Variants in DGKD observed in about 807,000 individuals in gnomAD.
The protein encoded by DGKD is diacylglycerol kinase delta.
DGKD carries 68 observed loss-of-function variants against 154.4 expected under a neutral mutation model. The observed-to-expected ratio is 0.44, with a 90% CI of 0.36 to 0.54. The LOEUF (loss-of-function observed/expected upper bound fraction) is 0.54. DGKD is among the 20% of genes least tolerant of loss of function. The probability of loss-of-function intolerance (pLI) is 0.00; values close to 1 mark genes in which losing one functional copy is unlikely to be tolerated. For missense variants in DGKD, 1,343 were observed against 1,593.6 expected (o/e 0.84, Z 2.68); for synonymous variants, 693 against 638.0 (o/e 1.09, Z -1.30).
At chr2:233,429,034 A>G in intron 3 of DGKD, 1 of 751,720 alleles carries the variant, frequency 1.3e-6, no homozygotes, top group Non-Finnish European at 1.6e-6. Context: ...CTTTAAACCT[A>G]ATGCTTTTGT....
Position 233,354,952 on chromosome 2 carries a change from G to A in DGKD, c.156+278G>A, listed in dbSNP as rs1701473324. ...GCCGCGCGCTGGGCGGGGGGCGCGC[G>A]CCGAGTTGGGCCGCGAGGACCCGGA... On this transcript the variant is annotated intron_variant, in intron 1 of 29. Transcript: ENST00000264057. This position sits in a 1 kb window ranked among gnomAD's most constrained non-coding sequence, Gnocchi z 4.8. Among the ~76,000 whole-genome samples the A allele has an allele frequency of 1.3e-5, 2 of 149,186 alleles. No homozygotes were observed. The highest frequency in any genetic ancestry group is 4.9e-5 in the African/African-American group (2 of 40,978).
intron 1 of DGKD, among the ~76,000 whole-genome samples, chr2:233,358,151 A>G (rs1239491330): frequency 6.6e-6 from 1 of 152,232 alleles, no homozygotes; most frequent in Non-Finnish European, 1.5e-5. Context: ...GACTCTGTAG[A>G]ACTGCATAGC....
chr2:233,443,120 C>A (rs538096432), intron 10 of DGKD, among the ~76,000 whole-genome samples: 2 of 152,324 alleles, frequency 1.3e-5, no homozygotes, highest in East Asian at 3.9e-4. Context: ...TGCCTTTCCT[C>A]AGGGCTGTGC....
At position 233,412,545 on chromosome 2, in the gene DGKD, A is replaced by T. The variant is rs1301206319; in HGVS notation, c.349-21835A>T. 2.0e-5 allele frequency among the ~76,000 whole-genome samples: 3 copies of T among 152,264 alleles called. No individual in the cohort carries two copies. In the East Asian group the frequency reaches 5.8e-4, roughly 29 times the overall value. ...AAAGTTGTATCATTTGCAAATAGGG[A>T]CAGCTTTACTTCTTCCTTTCTGACT... is the stretch of plus-strand genomic sequence containing the variant. On this transcript the variant is annotated intron_variant, in intron 3 of 29. Coordinates refer to ENST00000264057, the MANE Select transcript of DGKD (RefSeq NM_152879.3).
At chr2:233,469,216 T>C (rs2063924125) in intron 29 of DGKD, among the ~76,000 whole-genome samples, 155 bp from the exon 30 acceptor site, 1 of 152,284 alleles carries the variant, frequency 6.6e-6, no homozygotes, top group African/African-American at 2.4e-5. Context: ...TTGTTACTTT[T>C]AAGCTGTTTC....
intron 1 of DGKD, among the ~76,000 whole-genome samples, chr2:233,379,637 C>T (rs1702780631): frequency 6.6e-6 from 1 of 152,096 alleles, no homozygotes; most frequent in Non-Finnish European, 1.5e-5. Flanking sequence ...GGGATGAAAT[C>T]CTCCCGTTGA....
At chr2:233,427,323 A>T (rs1575098746) in intron 3 of DGKD, among the ~76,000 whole-genome samples, 1 of 139,386 alleles carries the variant, frequency 7.2e-6, no homozygotes, top group African/African-American at 2.7e-5. Context: ...TGTTGAGTTC[A>T]GTTTATTGCC....
intron 3 of DGKD, among the ~76,000 whole-genome samples, chr2:233,406,723 T>A (rs1041197029): frequency 6.6e-6 from 1 of 152,220 alleles, no homozygotes; most frequent in African/African-American, 2.4e-5. Context: ...CTCACCAGAC[T>A]GCCAGAAGGG....
chr2:233,390,012 A>AC (rs1329906451), intron 2 of DGKD, among the ~76,000 whole-genome samples: 1 of 152,144 alleles, frequency 6.6e-6, no homozygotes, highest in African/African-American at 2.4e-5. Flanking sequence ...CTCAGTCCAG[A>AC]CCCCGGCCTT....
At chr2:233,468,296 T>C in intron 28 of DGKD, 127 bp from the exon 29 acceptor site, 1 of 1,184,168 alleles carries the variant, frequency 8.4e-7, no homozygotes, top group East Asian at 2.5e-5. Flanking sequence ...CTGGGCTGTC[T>C]CGGGTGCTGG....
chr2:233,373,492 C>T (rs1702424709), intron 1 of DGKD, among the ~76,000 whole-genome samples: 2 of 152,122 alleles, frequency 1.3e-5, no homozygotes, highest in African/African-American at 2.4e-5. Flanking sequence ...TGTGTTGTGA[C>T]GTGGAGATGA....
intron 3 of DGKD, among the ~76,000 whole-genome samples, chr2:233,425,329 GGC>G (rs1267497947): frequency 6.6e-6 from 1 of 152,152 alleles, no homozygotes; most frequent in African/African-American, 2.4e-5. Context: ...TGGGACCACA[GGC>G]GCCCGCCACC....
At chr2:233,370,419 G>A (rs10184680) in intron 1 of DGKD, among the ~76,000 whole-genome samples, 2,354 of 151,584 alleles carry the variant, frequency 0.016, 59 homozygotes, top group African/African-American at 0.054. Context: ...TCACCATGTT[G>A]TGGCCAGGCT....
intron 16 of DGKD, 117 bp downstream of exon 16, chr2:233,450,248 T>C: frequency 7.5e-7 from 1 of 1,338,228 alleles, no homozygotes; most frequent in South Asian, 1.6e-5. Flanking sequence ...GGCCACTTGG[T>C]TACATAAAAA....
Position 233,457,939 on chromosome 2 carries a change from T to C in DGKD, c.2581-345T>C. 1 of 345,114 alleles carries C rather than the reference T, an allele frequency of 2.9e-6. No individual in the cohort carries two copies. 21.4% of individuals were successfully genotyped at this position (345,114 alleles called of 1,614,324 possible). Reference sequence around the variant, plus strand: ...AATAGCGAATAGAAGTATTCAGCGCTTCCTGCACACGTGGTGTGTGCTGGC... The same window carrying C: ...AATAGCGAATAGAAGTATTCAGCGCCTCCTGCACACGTGGTGTGTGCTGGC... On this transcript the variant is annotated intron_variant, in intron 21 of 29. Transcript: ENST00000264057. The surrounding 1 kb of genome is among the most constrained non-coding windows in gnomAD (Gnocchi z 5.5).
At position 233,438,152 on chromosome 2, in the gene DGKD, C is replaced by T; in HGVS notation, c.923-65C>T. On this transcript the variant is annotated intron_variant, in intron 8 of 29. Coordinates refer to ENST00000264057, the MANE Select transcript of DGKD (RefSeq NM_152879.3). This position sits in a 1 kb window ranked among gnomAD's most constrained non-coding sequence, Gnocchi z 4.1. ...TGGGGGGGTCTGCTGCTGCTGATTC[C>T]ATCAGTGGTGCCCTCAGCGTCTTCC... 1.3e-6 allele frequency: 2 copies of T among 1,564,408 alleles called. No homozygotes were observed. Among genetic ancestry groups the T allele is most frequent in the Non-Finnish European group, 8.7e-7 (1 of 1,148,746 alleles).
At chr2:233,387,727 TGCACAC>T (rs1326771790) in intron 1 of DGKD, among the ~76,000 whole-genome samples, 1 of 152,090 alleles carries the variant, frequency 6.6e-6, no homozygotes. Flanking sequence ...TGTGTGCAGA[TGCACAC>T]GCCAGGCCTG....
chr2:233,370,337 C>G (rs1041960246), intron 1 of DGKD, among the ~76,000 whole-genome samples: 9 of 152,142 alleles, frequency 5.9e-5, no homozygotes, highest in Middle Eastern at 3.2e-3. Context: ...CCTCAGCCCC[C>G]CCAGTAGCTG....
chr2:233,371,372 G>A (rs1702313998), intron 1 of DGKD, among the ~76,000 whole-genome samples: 1 of 152,028 alleles, frequency 6.6e-6, no homozygotes, highest in Non-Finnish European at 1.5e-5. Context: ...CAGGTCCATT[G>A]CCCATTTTCC....
Sources: allele counts gnomAD v4.1 joint callset (sites outside exome capture counted in the v4.1 genomes callset), GRCh38; gene constraint gnomAD v4.1.1; non-coding constraint Gnocchi (gnomAD v3.1); transcripts MANE v1.5; gene names NCBI Gene and HGNC (gene_info 2026-07-23, HGNC 2026-07-21).